PTTG1IP2: variants seen among roughly 807,000 people sequenced by gnomAD.
The protein encoded by PTTG1IP2 is PTTG1IP family member 2.
At chr7:90,493,957 G>A (rs1356233767) in intron 5 of PTTG1IP2, among the ~76,000 whole-genome samples, 1 of 152,210 alleles carries the variant, frequency 6.6e-6, no homozygotes, top group Non-Finnish European at 1.5e-5. Flanking sequence ...AAAATGTTCT[G>A]TACACTGCGA....
At chr7:90,502,081 A>G (rs1387903100) in intron 6 of PTTG1IP2, among the ~76,000 whole-genome samples, 4 of 152,198 alleles carry the variant, frequency 2.6e-5, no homozygotes, top group Non-Finnish European at 4.4e-5. Flanking sequence ...ATCCATAACA[A>G]GTGGCTCCTC....
intron 1 of PTTG1IP2, among the ~76,000 whole-genome samples, chr7:90,473,314 C>A (rs1401702247): frequency 1.3e-5 from 2 of 152,142 alleles, no homozygotes; most frequent in Non-Finnish European, 2.9e-5. Flanking sequence ...CGTCTAGAAA[C>A]CACAGCAGGA....
intron 1 of PTTG1IP2, among the ~76,000 whole-genome samples, chr7:90,477,667 A>G (rs532874410): frequency 1.3e-5 from 2 of 152,320 alleles, no homozygotes; most frequent in East Asian, 3.9e-4. Context: ...GCAATGTGGT[A>G]TGGATGGGAT....
At chr7:90,497,715 T>TAAAAAAAAAA (rs1261744146) in intron 6 of PTTG1IP2, among the ~76,000 whole-genome samples, 1 of 56,312 alleles carries the variant, frequency 1.8e-5, no homozygotes, top group Non-Finnish European at 3.2e-5. Context: ...AGACCCTGTA[T>TAAAAAAAAAA]AAAAAAAAAA....
intron 6 of PTTG1IP2, among the ~76,000 whole-genome samples, chr7:90,504,962 A>G (rs1397873250): frequency 1.3e-5 from 2 of 152,240 alleles, no homozygotes; most frequent in Non-Finnish European, 2.9e-5. Flanking sequence ...AAGCCACACT[A>G]ATAAACCCCA....
At chr7:90,511,471 T>A (rs1467424045) in intron 6 of PTTG1IP2, among the ~76,000 whole-genome samples, 1 of 152,320 alleles carries the variant, frequency 6.6e-6, no homozygotes, top group Admixed American at 6.5e-5. Flanking sequence ...CATTACTATT[T>A]TCTGTGCACA....
chr7:90,479,557 A>G (rs192466452), intron 2 of PTTG1IP2, among the ~76,000 whole-genome samples: 30 of 152,348 alleles, frequency 2.0e-4, no homozygotes, highest in Admixed American at 1.2e-3. Context: ...AAATTTTGGA[A>G]TAATTTTTGT....
chr7:90,502,686 T>C (rs1282443378), intron 6 of PTTG1IP2, among the ~76,000 whole-genome samples: 3 of 152,168 alleles, frequency 2.0e-5, no homozygotes, highest in East Asian at 1.9e-4. Flanking sequence ...AGCATTAACA[T>C]TTTGAAAGGA....
At chr7:90,512,184 G>T (rs1798197641) in intron 6 of PTTG1IP2, among the ~76,000 whole-genome samples, 1 of 152,160 alleles carries the variant, frequency 6.6e-6, no homozygotes, top group African/African-American at 2.4e-5. Flanking sequence ...TTTGCCTTGT[G>T]CCAGGCATTG....
chr7:90,503,601 A>G lies in PTTG1IP2; in HGVS notation c.*50+9171A>G, dbSNP rs539611579. Among the ~76,000 whole-genome samples the G allele has an allele frequency of 1.4e-4, 22 of 152,304 alleles. 1 individual carries two copies. The South Asian group carries it at 4.6e-3, about 32-fold the overall frequency. Reference sequence around the variant, plus strand: ...GGTTATTAACTGGCCTCATTTCAATATTGCTGTGTCTCACTGAAGAGGGAG... The same window carrying G: ...GGTTATTAACTGGCCTCATTTCAATGTTGCTGTGTCTCACTGAAGAGGGAG... On this transcript the variant is annotated intron_variant, in intron 6 of 6. Transcript: ENST00000509356.
chr7:90,471,562 G>A (rs1372455247), intron 1 of PTTG1IP2, among the ~76,000 whole-genome samples: 1 of 152,032 alleles, frequency 6.6e-6, no homozygotes, highest in Non-Finnish European at 1.5e-5. Flanking sequence ...ACAACAAAGG[G>A]GCATAGTGCA....
chr7:90,495,854 C>T (rs1797985332), intron 6 of PTTG1IP2, among the ~76,000 whole-genome samples: 2 of 152,134 alleles, frequency 1.3e-5, no homozygotes, highest in Non-Finnish European at 2.9e-5. Context: ...ATGGTTAACA[C>T]CCAATGTTGC....
chr7:90,511,295 T>C (rs892770820), intron 6 of PTTG1IP2, among the ~76,000 whole-genome samples: 14 of 152,332 alleles, frequency 9.2e-5, no homozygotes, highest in African/African-American at 2.9e-4. Flanking sequence ...AATAAACAAG[T>C]GTTACTAATA....
At chr7:90,479,049 T>C (rs1175325403) in intron 1 of PTTG1IP2, among the ~76,000 whole-genome samples, 179 bp from the exon 2 acceptor site, 1 of 152,142 alleles carries the variant, frequency 6.6e-6, no homozygotes, top group Non-Finnish European at 1.5e-5. Flanking sequence ...GACTTAAAAC[T>C]AAGAGGATTT....
At chr7:90,474,692 C>T (rs1328771250) in intron 1 of PTTG1IP2, among the ~76,000 whole-genome samples, 1 of 152,200 alleles carries the variant, frequency 6.6e-6, no homozygotes, top group African/African-American at 2.4e-5. Flanking sequence ...AAAAGATATA[C>T]TACCAACACA....
At chr7:90,509,981 A>G (rs1798168292) in intron 6 of PTTG1IP2, among the ~76,000 whole-genome samples, 1 of 152,254 alleles carries the variant, frequency 6.6e-6, no homozygotes, top group Non-Finnish European at 1.5e-5. Flanking sequence ...GTAGCTTTCC[A>G]AAGTGCCTTG....
intron 6 of PTTG1IP2, among the ~76,000 whole-genome samples, chr7:90,505,485 T>C (rs1409278621): frequency 6.6e-6 from 1 of 152,234 alleles, no homozygotes; most frequent in Non-Finnish European, 1.5e-5. Flanking sequence ...TATATGCTGT[T>C]AAATTACATA....
At chr7:90,498,637 G>T (rs1798025197) in intron 6 of PTTG1IP2, among the ~76,000 whole-genome samples, 1 of 152,156 alleles carries the variant, frequency 6.6e-6, no homozygotes, top group Non-Finnish European at 1.5e-5. Context: ...TTTTACACCA[G>T]TGATATAAGA....
At chr7:90,509,113 C>CT (rs34626171) in intron 6 of PTTG1IP2, among the ~76,000 whole-genome samples, 55,543 of 136,394 alleles carry the variant, frequency 0.41, 11,129 homozygotes, top group East Asian at 0.58. Context: ...AATGTGAAGG[C>CT]TTTTTTTTTT....
Sources: gnomAD v4.1 joint callset for allele counts (sites outside exome capture counted in the v4.1 genomes callset) on GRCh38, gnomAD v4.1.1 for gene constraint, MANE v1.5 for transcripts, NCBI Gene and HGNC (gene_info 2026-07-23, HGNC 2026-07-21) for gene names.